LSS: variants seen among roughly 807,000 people sequenced by gnomAD.
LSS encodes the protein lanosterol synthase.
In LSS, 90 loss-of-function variants were observed where a neutral mutation model predicts 110.3. That is an observed-to-expected ratio of 0.82 (90% confidence interval 0.69 to 0.97). LSS has a LOEUF of 0.97. Among genes scored for constraint, LSS ranks in the 50% least tolerant of loss-of-function variants. The pLI is 0.00. For missense variants in LSS, 927 were observed against 990.0 expected (o/e 0.94, Z 0.85); for synonymous variants, 433 against 400.0 (o/e 1.08, Z -0.98).
chr21:46,204,657 T>C (rs912657572), intron 17 of LSS, among the ~76,000 whole-genome samples: 5 of 151,042 alleles, frequency 3.3e-5, no homozygotes, highest in African/African-American at 9.7e-5. Flanking sequence ...AAGAAAGAAA[T>C]TGAACTTCTA....
At chr21:46,194,381 C>T in intron 20 of LSS, 110 bp downstream of exon 20, 1 of 1,332,486 alleles carries the variant, frequency 7.5e-7, no homozygotes, top group Non-Finnish European at 1.0e-6. Context: ...TGACCTGGCC[C>T]ACAGGCCTCC....
At chr21:46,196,861 G>A (rs1180380608) in intron 17 of LSS, among the ~76,000 whole-genome samples, 1 of 152,178 alleles carries the variant, frequency 6.6e-6, no homozygotes, top group Admixed American at 6.5e-5. Flanking sequence ...CTCCCTTCTC[G>A]CTTTTGTGAA....
chr21:46,194,221 T>C (rs912047778), intron 20 of LSS, among the ~76,000 whole-genome samples: 1 of 152,192 alleles, frequency 6.6e-6, no homozygotes, highest in African/African-American at 2.4e-5. Flanking sequence ...CCTGATGTGC[T>C]TGCTCTTCCA....
rs1000350839 is a variant in LSS, at chr21:46,222,689, G to A, written c.369C>T (p.Tyr123=). The A allele has an allele frequency of 3.7e-6, 6 of 1,613,812 alleles. No homozygotes were observed. The African/African-American group carries it at 6.7e-5, about 18-fold the overall frequency. ...HVARIPLPAG[Y]REEIVRYLRS... ...GCAGGTACCGCACAATCTCTTCTCT[G>A]TATCCGGCTGGCAGAGGGATGCGTG... is the stretch of plus-strand genomic sequence containing the variant. Residue 123 remains tyrosine (Y), a synonymous_variant, in exon 4 of 22, where the codon TAC becomes TAT. Coordinates refer to ENST00000397728, the MANE Select transcript of LSS (RefSeq NM_002340.6).
intron 15 of LSS, among the ~76,000 whole-genome samples, chr21:46,206,992 C>G (rs1601427300): frequency 6.6e-6 from 1 of 152,202 alleles, no homozygotes; most frequent in East Asian, 1.9e-4. Flanking sequence ...AGGGAACATG[C>G]CCCCACACGT....
At chr21:46,210,867 C>T in intron 11 of LSS, 123 bp from the exon 12 acceptor site, 1 of 882,048 alleles carries the variant, frequency 1.1e-6, no homozygotes, top group Non-Finnish European at 1.8e-6. Context: ...CAACGCTCAG[C>T]CTCAGGCTCT....
At chr21:46,223,748 T>C (rs1219875459) in intron 3 of LSS, among the ~76,000 whole-genome samples, 2 of 152,064 alleles carry the variant, frequency 1.3e-5, no homozygotes, top group African/African-American at 2.4e-5. Flanking sequence ...CATAGTGAGG[T>C]GTGACCAGAA....
At chr21:46,211,333 G>A (rs1200743670) in intron 11 of LSS, among the ~76,000 whole-genome samples, 7 of 152,162 alleles carry the variant, frequency 4.6e-5, no homozygotes, top group East Asian at 3.9e-4. Flanking sequence ...GTTTCACCAT[G>A]TTAGCCAGGA....
intron 8 of LSS, 114 bp downstream of exon 8, chr21:46,215,571 C>G (rs2080193174): frequency 1.4e-6 from 1 of 732,710 alleles, no homozygotes; most frequent in Non-Finnish European, 2.2e-6. Flanking sequence ...CCCCTGGGGC[C>G]TGGCACAGAG....
intron 3 of LSS, among the ~76,000 whole-genome samples, chr21:46,224,415 T>C (rs1293958071): frequency 6.6e-6 from 1 of 152,098 alleles, no homozygotes; most frequent in Non-Finnish European, 1.5e-5. Context: ...TATCTCTTTG[T>C]CTTGCGTCTT....
intron 5 of LSS, 80 bp downstream of exon 5, chr21:46,221,774 T>C: frequency 6.3e-7 from 1 of 1,595,298 alleles, no homozygotes; most frequent in Non-Finnish European, 8.6e-7. Context: ...TGCAAGTGCA[T>C]CTTTCTGTAT....
At chr21:46,196,017 C>A (rs1483858838) in intron 18 of LSS, among the ~76,000 whole-genome samples, 185 bp downstream of exon 18, 1 of 152,250 alleles carries the variant, frequency 6.6e-6, no homozygotes, top group Non-Finnish European at 1.5e-5. Context: ...GCAATTTCCA[C>A]CGGGGCAAAG....
At chr21:46,227,978 G>C (rs2123771060) in intron 2 of LSS, among the ~76,000 whole-genome samples, 2 of 152,268 alleles carry the variant, frequency 1.3e-5, no homozygotes, top group Middle Eastern at 3.4e-3. Flanking sequence ...GGTGGGGCAC[G>C]GGTGCCGACC....
rs769252089 is a variant in LSS at position 46,222,750 on chromosome 21, G to T, written c.320-12C>A. ...AGTGATCAGGAGGCCTGTGTGGCAG[G>T]AGAGATGTTCCTCACTGGGGACAGG... On this transcript the variant is annotated splice_polypyrimidine_tract_variant and intron_variant, in intron 3 of 21. Coordinates refer to ENST00000397728, the MANE Select transcript of LSS (RefSeq NM_002340.6). 9.3e-6 allele frequency: 15 copies of T among 1,606,066 alleles called. No homozygotes were observed. Among genetic ancestry groups the T allele is most frequent in the South Asian group, 6.6e-5 (6 of 90,888 alleles).
At position 46,189,741 on chromosome 21, in the gene LSS, G is replaced by A. The variant is rs79527568; in HGVS notation, c.*1363C>T. The A allele has an allele frequency of 0.024, 10,875 of 457,136 alleles. 363 individuals carry two copies. Among genetic ancestry groups the A allele is most frequent in the South Asian group, 0.071 (4,605 of 64,556 alleles). 28.3% of individuals were successfully genotyped at this position (457,136 alleles called of 1,614,324 possible). ...AGGGACTGCTACCTGCCCAGAAGGC[G>A]GCAGGGAGGGGAAGAGCAGATAAGG... On this transcript the variant is annotated 3_prime_UTR_variant, in exon 22 of 22. Coordinates refer to ENST00000397728, the MANE Select transcript of LSS (RefSeq NM_002340.6).
At chr21:46,220,038 G>A (rs982152789) in intron 5 of LSS, among the ~76,000 whole-genome samples, 11 of 152,180 alleles carry the variant, frequency 7.2e-5, no homozygotes, top group African/African-American at 2.7e-4. Flanking sequence ...GACTGGTCCT[G>A]TATGGGAACA....
chr21:46,222,777 G>A, intron 3 of LSS, 39 bp from the exon 4 acceptor site: 1 of 1,481,838 alleles, frequency 6.7e-7, no homozygotes, highest in Non-Finnish European at 9.4e-7. Context: ...GGGGACAGGT[G>A]GTCATGACTG....
In LSS at chr21:46,191,984, C is replaced by T. The variant is rs568214370; in HGVS notation, c.1989-25G>A. ...CCTGGTGGAAGAGAAGGCTGAAACA[C>T]ACCCAGCATGCATGCCCCCACAGCA... On this transcript the variant is annotated intron_variant, in intron 20 of 21. Coordinates refer to ENST00000397728, the MANE Select transcript of LSS (RefSeq NM_002340.6). The T allele has an allele frequency of 3.5e-5, 55 of 1,556,340 alleles. 2 individuals are homozygous for T. The highest frequency in any genetic ancestry group is 2.4e-4 in the South Asian group (21 of 89,066).
intron 4 of LSS, 72 bp downstream of exon 4, chr21:46,222,558 A>G (rs2123759663): frequency 2.2e-6 from 3 of 1,387,234 alleles, no homozygotes; most frequent in East Asian, 4.7e-5. Context: ...CTGCCTGGAA[A>G]CCCAAGCATC....
Sources: gnomAD v4.1 joint callset for allele counts (sites outside exome capture counted in the v4.1 genomes callset) on GRCh38, gnomAD v4.1.1 for gene constraint, MANE v1.5 for transcripts, NCBI Gene and HGNC (gene_info 2026-07-23, HGNC 2026-07-21) for gene names.